Variants in GALNT2 observed in about 807,000 individuals in gnomAD.
The protein encoded by GALNT2 is polypeptide N-acetylgalactosaminyltransferase 2.
A neutral mutation model predicts 81.4 loss-of-function variants in GALNT2; 31 were observed. That is an observed-to-expected ratio of 0.38 (90% CI 0.29 to 0.51). GALNT2 has a LOEUF of 0.51. Ranked by LOEUF, GALNT2 falls within the 20% of genes least tolerant of loss-of-function variation. The pLI, the probability that GALNT2 is intolerant of heterozygous loss-of-function variation, is 0.87. For missense variants in GALNT2, 629 were observed against 765.7 expected (o/e 0.82, Z 2.11); for synonymous variants, 303 against 287.4 (o/e 1.05, Z -0.55).
chr1:230,230,551 CACA>C (rs1664838505), intron 3 of GALNT2, among the ~76,000 whole-genome samples: 1 of 152,192 alleles, frequency 6.6e-6, no homozygotes, highest in Non-Finnish European at 1.5e-5. Flanking sequence ...AATCAGAACA[CACA>C]ACTCCCTTAG....
intron 1 of GALNT2, among the ~76,000 whole-genome samples, chr1:230,083,515 A>G (rs1038256103): frequency 6.6e-6 from 1 of 152,174 alleles, no homozygotes; most frequent in Admixed American, 6.5e-5. Context: ...GGGGGGCCCA[A>G]TGATGGAACA....
chr1:230,215,100 G>A (rs1646523668), intron 3 of GALNT2, among the ~76,000 whole-genome samples: 2 of 152,328 alleles, frequency 1.3e-5, no homozygotes, highest in South Asian at 4.1e-4. Flanking sequence ...CTGGGTTTCG[G>A]TCTTTTGTGA....
At chr1:230,272,972 A>C (rs1160241478) in intron 14 of GALNT2, among the ~76,000 whole-genome samples, 1 of 152,058 alleles carries the variant, frequency 6.6e-6, no homozygotes, top group Admixed American at 6.5e-5. Flanking sequence ...AGGTCTCGCT[A>C]TGTTGCCTAG....
chr1:230,119,258 C>T (rs114303752), intron 1 of GALNT2, among the ~76,000 whole-genome samples: 31 of 152,114 alleles, frequency 2.0e-4, no homozygotes, highest in African/African-American at 6.7e-4. Flanking sequence ...TTGACTTGTG[C>T]GTACAGGTTT....
chr1:230,235,985 T>C lies in GALNT2; in HGVS notation c.375-29T>C. ...GCTGTGGCTGCTCTGGGGGTCATTG[T>C]TCAGAGGACCATCTTTCTCTTCCTG... On this transcript the variant is annotated intron_variant, in intron 3 of 15. Coordinates refer to ENST00000366672, the MANE Select transcript of GALNT2 (RefSeq NM_004481.5). 1.9e-6 allele frequency: 3 copies of C among 1,609,526 alleles called. No individual in the cohort carries two copies. The East Asian group carries it at 6.7e-5, about 36-fold the overall frequency.
At chr1:230,238,662 G>A (rs994661837) in intron 6 of GALNT2, among the ~76,000 whole-genome samples, 4 of 152,162 alleles carry the variant, frequency 2.6e-5, no homozygotes, top group Non-Finnish European at 4.4e-5. Flanking sequence ...TTAATATGGT[G>A]AAATACATTG....
chr1:230,135,694 G>A (rs61825403), intron 1 of GALNT2, among the ~76,000 whole-genome samples: 20,996 of 151,830 alleles, frequency 0.14, 1,504 homozygotes, highest in South Asian at 0.23. Flanking sequence ...TCAGATGAAT[G>A]CTCTTTCCCT....
intron 1 of GALNT2, among the ~76,000 whole-genome samples, chr1:230,176,898 G>A (rs1662996599): frequency 6.6e-6 from 1 of 152,178 alleles, no homozygotes; most frequent in Non-Finnish European, 1.5e-5. Context: ...CTGGGTGGGT[G>A]GGGCTTGGAC....
At chr1:230,078,855 G>A (rs748467624) in intron 1 of GALNT2, among the ~76,000 whole-genome samples, 2 of 152,172 alleles carry the variant, frequency 1.3e-5, no homozygotes, top group Non-Finnish European at 2.9e-5. Flanking sequence ...CCAGGCTGGA[G>A]TATAGTGGCA....
chr1:230,189,431 T>C (rs760738432), intron 2 of GALNT2, among the ~76,000 whole-genome samples: 6 of 152,194 alleles, frequency 3.9e-5, no homozygotes, highest in Non-Finnish European at 8.8e-5. Context: ...TGATGAAATG[T>C]GTTAAGAGAA....
rs1296125116 is a variant in GALNT2, at chr1:230,122,809, G to A, written c.126+55403G>A. On this transcript the variant is annotated intron_variant, in intron 1 of 15. Transcript: ENST00000366672. ...TGTATATATAGATCTCTGCACACGC[G>A]TATAGTGCATATTTATGTCTGCACG... Among the ~76,000 whole-genome samples, 4 of 152,164 alleles carry A rather than the reference G, an allele frequency of 2.6e-5. No individual in the cohort carries two copies. In the East Asian group the frequency reaches 7.7e-4, roughly 29 times the overall value.
chr1:230,177,336 G>A (rs543365692), intron 1 of GALNT2, among the ~76,000 whole-genome samples: 92 of 152,240 alleles, frequency 6.0e-4, no homozygotes, highest in Non-Finnish European at 1.2e-3. Flanking sequence ...TTACTGTTGC[G>A]TATCCGCCTA....
chr1:230,078,068 A>G (rs1467025705), intron 1 of GALNT2, among the ~76,000 whole-genome samples: 4 of 152,338 alleles, frequency 2.6e-5, no homozygotes, highest in Admixed American at 6.5e-5. Context: ...TGTGAGCTGC[A>G]TTCCAGTCGG....
intron 1 of GALNT2, among the ~76,000 whole-genome samples, chr1:230,103,181 G>A (rs1387729944): frequency 6.6e-6 from 1 of 152,202 alleles, no homozygotes; most frequent in Non-Finnish European, 1.5e-5. Context: ...GAAATAGACA[G>A]TTGTGGTCCT....
intron 3 of GALNT2, among the ~76,000 whole-genome samples, chr1:230,214,677 C>T (rs1664335161): frequency 6.6e-6 from 1 of 152,102 alleles, no homozygotes; most frequent in African/African-American, 2.4e-5. Context: ...GTGGAATTTC[C>T]TGACTCTTGA....
chr1:230,095,558 G>A (rs1320983960), intron 1 of GALNT2, among the ~76,000 whole-genome samples: 1 of 152,194 alleles, frequency 6.6e-6, no homozygotes, highest in Admixed American at 6.5e-5. Context: ...GAAGAGTTCC[G>A]AAGTGGAACG....
rs192635598 is a variant in GALNT2 at position 230,224,240 on chromosome 1, A to G, written c.375-11774A>G. On this transcript the variant is annotated intron_variant, in intron 3 of 15. Coordinates refer to ENST00000366672, the MANE Select transcript of GALNT2 (RefSeq NM_004481.5). ...GCAAGAGGGAAGAAATGGAATGTGC[A>G]GTGTTCACATTGTCTGATGAGCAGT... Among the ~76,000 whole-genome samples, 386 of 152,342 alleles carry G rather than the reference A, an allele frequency of 2.5e-3. 1 individual carries two copies. Among genetic ancestry groups the G allele is most frequent in the South Asian group, 0.011 (54 of 4,828 alleles).
chr1:230,199,729 T>C (rs1663826286), intron 2 of GALNT2, among the ~76,000 whole-genome samples: 1 of 152,192 alleles, frequency 6.6e-6, no homozygotes, highest in African/African-American at 2.4e-5. Context: ...TCAGGGAGAT[T>C]GCCACAAGAC....
intron 2 of GALNT2, among the ~76,000 whole-genome samples, chr1:230,198,038 T>C (rs975079019): frequency 2.0e-5 from 3 of 152,346 alleles, no homozygotes; most frequent in Non-Finnish European, 2.9e-5. Flanking sequence ...ACGTCTCATA[T>C]GCGGCTGTAT....
Sources: gnomAD v4.1 joint callset for allele counts (sites outside exome capture counted in the v4.1 genomes callset) on GRCh38, gnomAD v4.1.1 for gene constraint, MANE v1.5 for transcripts, NCBI Gene and HGNC (gene_info 2026-07-23, HGNC 2026-07-21) for gene names.